The following RBFOX3 variants were observed in gnomAD, a reference collection of about 807,000 sequenced individuals.
RBFOX3 encodes RNA binding protein fox-1 homolog 3.
Under a neutral mutation model 48.7 loss-of-function variants are expected in RBFOX3, and 17 were observed. That is an observed-to-expected ratio of 0.35 (90% confidence interval 0.24 to 0.52). The LOEUF (loss-of-function observed/expected upper bound fraction) is 0.52, where lower values mean the gene tolerates loss of function less well. Among genes scored for constraint, RBFOX3 ranks in the 20% least tolerant of loss-of-function variants. RBFOX3 has a pLI of 0.94. For missense variants in RBFOX3, 382 were observed against 497.5 expected (o/e 0.77, Z 2.21); for synonymous variants, 212 against 209.5 (o/e 1.01, Z -0.10).
At position 79,242,323 on chromosome 17, in the gene RBFOX3, C is replaced by A. The variant is rs562949641; in HGVS notation, c.-73-6518G>T. On this transcript the variant is annotated intron_variant, in intron 3 of 14. Transcript: ENST00000693108. This position sits in a 1 kb window ranked among gnomAD's most constrained non-coding sequence, Gnocchi z 5.8. Reference sequence around the variant, plus strand: ...TTGTGTTACTTCAGATTTTATGAAACGATCTGTTTGTGCTCTTTCCCTAAG... The same window carrying A: ...TTGTGTTACTTCAGATTTTATGAAAAGATCTGTTTGTGCTCTTTCCCTAAG... Among the ~76,000 whole-genome samples the A allele has an allele frequency of 6.6e-6, 1 of 151,880 alleles. No homozygotes were observed. The highest frequency in any genetic ancestry group is 1.5e-5 in the Non-Finnish European group (1 of 67,996).
intron 2 of RBFOX3, among the ~76,000 whole-genome samples, chr17:79,340,871 A>G (rs565045922): frequency 6.6e-6 from 1 of 152,328 alleles, no homozygotes; most frequent in East Asian, 1.9e-4. Flanking sequence ...TGGTACTTGA[A>G]TCAGAAAAAA....
Position 79,471,406 on chromosome 17 carries a change from A to C in RBFOX3, c.-175+11048T>G, listed in dbSNP as rs111566703. The stretch of plus-strand genomic sequence containing the variant: ...ACCTTGCCTTGGGAACTTTTGGAGC[A>C]ACAGAATGGTTTAGAATAATGACCC... On this transcript the variant is annotated intron_variant, in intron 2 of 14. Coordinates refer to ENST00000693108, the MANE Select transcript of RBFOX3 (RefSeq NM_001350451.2). This position sits in a 1 kb window ranked among gnomAD's most constrained non-coding sequence, Gnocchi z 4.0. Among the ~76,000 whole-genome samples, 15,818 of 152,186 alleles carry C rather than the reference A, an allele frequency of 0.1. 2,685 individuals carry two copies. Among genetic ancestry groups the C allele is most frequent in the African/African-American group, 0.35 (14,695 of 41,434 alleles).
At chr17:79,173,764 C>T (rs751647159) in intron 4 of RBFOX3, among the ~76,000 whole-genome samples, 70 of 152,268 alleles carry the variant, frequency 4.6e-4, no homozygotes, top group African/African-American at 5.1e-4. Flanking sequence ...CCCAGGCCTT[C>T]TCCCACCGTG....
intron 1 of RBFOX3, among the ~76,000 whole-genome samples, chr17:79,519,828 A>T (rs1372202728): frequency 6.6e-6 from 1 of 152,206 alleles, no homozygotes; most frequent in East Asian, 1.9e-4. Flanking sequence ...CTGGCTGGCA[A>T]CACCCATATG....
intron 1 of RBFOX3, among the ~76,000 whole-genome samples, chr17:79,549,941 C>A (rs1393125183): frequency 2.0e-5 from 3 of 150,558 alleles, no homozygotes; most frequent in Non-Finnish European, 4.4e-5. Flanking sequence ...CCACACACAC[C>A]AAAAAAAAAC....
intron 1 of RBFOX3, among the ~76,000 whole-genome samples, chr17:79,580,976 G>A (rs1057085489): frequency 3.3e-5 from 5 of 152,098 alleles, no homozygotes; most frequent in African/African-American, 1.2e-4. Flanking sequence ...GGCCAGGTGC[G>A]GTAGCTCACG....
intron 1 of RBFOX3, among the ~76,000 whole-genome samples, chr17:79,483,107 C>T (rs2079002064): frequency 6.6e-6 from 1 of 152,084 alleles, no homozygotes; most frequent in Admixed American, 6.5e-5. Flanking sequence ...CCACTGGTGT[C>T]CTGTGTCATT....
the RBFOX3 span, among the ~76,000 whole-genome samples, chr17:79,656,810 AGAAAG>A: frequency 0.082 from 6,008 of 73,386 alleles, 232 homozygotes; most frequent in East Asian, 0.12. Flanking sequence ...AAGAAAGAAA[AGAAAG>A]AGAAAGAAAG....
At chr17:79,505,784 C>T (rs2083026173) in intron 1 of RBFOX3, among the ~76,000 whole-genome samples, 3 of 152,196 alleles carry the variant, frequency 2.0e-5, no homozygotes, top group South Asian at 2.1e-4. Flanking sequence ...ACATTTTGAC[C>T]ATGATATTGA....
Position 79,207,686 on chromosome 17 carries a change from G to A in RBFOX3, c.-34+28080C>T, listed in dbSNP as rs576908940. ...GCCTAAGCTCCCTTCCCTTTTCTAG[G>A]GGGGTGTCTGCAAGTCTCTGTGCTG... On this transcript the variant is annotated intron_variant, in intron 4 of 14. Transcript: ENST00000693108. Among the ~76,000 whole-genome samples the A allele has an allele frequency of 2.0e-4, 30 of 152,302 alleles. No individual in the cohort carries two copies. The South Asian group carries it at 5.4e-3, about 27-fold the overall frequency.
At chr17:79,287,320 C>A (rs2072170725) in intron 3 of RBFOX3, among the ~76,000 whole-genome samples, 1 of 152,224 alleles carries the variant, frequency 6.6e-6, no homozygotes, top group Admixed American at 6.5e-5. Flanking sequence ...TAGCACTCCC[C>A]ACCCACAGGG....
intron 4 of RBFOX3, among the ~76,000 whole-genome samples, chr17:79,142,486 A>G (rs2042105705): frequency 6.6e-6 from 1 of 152,134 alleles, no homozygotes; most frequent in Non-Finnish European, 1.5e-5. Context: ...AGCCCTCCCC[A>G]GCCTGCTGAC....
chr17:79,230,848 G>A (rs890329991), intron 4 of RBFOX3, among the ~76,000 whole-genome samples: 10 of 152,072 alleles, frequency 6.6e-5, no homozygotes, highest in East Asian at 5.8e-4. Flanking sequence ...TCCAGCAGCC[G>A]GGCAGTTACT....
intron 2 of RBFOX3, among the ~76,000 whole-genome samples, chr17:79,401,951 A>G (rs2062866217): frequency 6.6e-6 from 1 of 152,234 alleles, no homozygotes; most frequent in African/African-American, 2.4e-5. Flanking sequence ...TCTGGTGACC[A>G]CAGGAACCGC....
At chr17:79,295,020 G>A (rs1325652538) in intron 3 of RBFOX3, among the ~76,000 whole-genome samples, 3 of 152,252 alleles carry the variant, frequency 2.0e-5, no homozygotes, top group East Asian at 1.9e-4. Flanking sequence ...CTTCCACTTC[G>A]ATCGTGATGT....
chr17:79,495,528 T>G (rs1444847105), intron 1 of RBFOX3, among the ~76,000 whole-genome samples: 2 of 24,886 alleles, frequency 8.0e-5, no homozygotes, highest in Non-Finnish European at 8.0e-5. Context: ...GGGGGAGGGG[T>G]GCAGAGGGTG....
intron 2 of RBFOX3, among the ~76,000 whole-genome samples, chr17:79,398,491 C>T (rs2062342531): frequency 6.6e-6 from 1 of 152,128 alleles, no homozygotes; most frequent in Admixed American, 6.5e-5. Context: ...GGCTCTCCAC[C>T]GAGAGTAATT....
intron 3 of RBFOX3, among the ~76,000 whole-genome samples, chr17:79,256,936 A>C (rs1049224542): frequency 1.0e-5 from 1 of 98,038 alleles, no homozygotes; most frequent in Non-Finnish European, 2.0e-5. Context: ...CAAACAAACA[A>C]ACAAAACAAA....
intron 2 of RBFOX3, among the ~76,000 whole-genome samples, chr17:79,377,883 C>CT (rs2059412591): frequency 6.6e-6 from 1 of 152,088 alleles, no homozygotes; most frequent in African/African-American, 2.4e-5. Flanking sequence ...TCCCAGCACT[C>CT]TAGAGAGGGG....
Sources: allele counts gnomAD v4.1 joint callset (sites outside exome capture counted in the v4.1 genomes callset), GRCh38; gene constraint gnomAD v4.1.1; non-coding constraint Gnocchi (gnomAD v3.1); transcripts MANE v1.5; gene names NCBI Gene and HGNC (gene_info 2026-07-23, HGNC 2026-07-21).